The following VPS13B variants were observed in gnomAD, a reference collection of about 807,000 sequenced individuals.
The protein encoded by VPS13B is intermembrane lipid transfer protein VPS13B.
Under a neutral mutation model 426.4 loss-of-function variants are expected in VPS13B, and 285 were observed. The ratio of observed to expected loss-of-function variants is 0.67; its 90% CI spans 0.61 to 0.74. The LOEUF (loss-of-function observed/expected upper bound fraction) is 0.74, where lower values mean the gene tolerates loss of function less well. VPS13B is among the 30% of genes least tolerant of loss of function. The pLI is 0.00. For missense variants in VPS13B, 4,537 were observed against 4,782.6 expected (o/e 0.95, Z 1.51); for synonymous variants, 1,676 against 1,676.4 (o/e 1.00, Z 0.01).
chr8:99,397,337 G>T (rs1326550537), intron 21 of VPS13B, among the ~76,000 whole-genome samples: 1 of 152,094 alleles, frequency 6.6e-6, no homozygotes. Context: ...TAGAGACGGG[G>T]TTTCACCGTG....
chr8:99,459,005 C>T (rs1818685697), intron 23 of VPS13B, among the ~76,000 whole-genome samples: 1 of 152,106 alleles, frequency 6.6e-6, no homozygotes, highest in African/African-American at 2.4e-5. Flanking sequence ...ATGCCCATGT[C>T]CTGAATGGTA....
chr8:99,457,138 T>C (rs961864666), intron 23 of VPS13B, among the ~76,000 whole-genome samples: 3 of 151,896 alleles, frequency 2.0e-5, no homozygotes, highest in African/African-American at 7.3e-5. Context: ...TTCAAGCCAT[T>C]CTCCCGCCTC....
At chr8:99,611,904 A>T (rs1827857640) in intron 33 of VPS13B, among the ~76,000 whole-genome samples, 1 of 152,154 alleles carries the variant, frequency 6.6e-6, no homozygotes, top group African/African-American at 2.4e-5. Flanking sequence ...ACTAAAAATG[A>T]TAAAGATGAA....
chr8:99,574,091 GCT>G (rs1304222936), intron 31 of VPS13B, among the ~76,000 whole-genome samples: 1 of 151,976 alleles, frequency 6.6e-6, no homozygotes, highest in South Asian at 2.1e-4. Context: ...TCATGATTTG[GCT>G]CTCTGTTTGT....
chr8:99,646,999 T>C (rs1466018919), intron 34 of VPS13B, among the ~76,000 whole-genome samples: 1 of 152,184 alleles, frequency 6.6e-6, no homozygotes, highest in Non-Finnish European at 1.5e-5. Flanking sequence ...CTTTATATAA[T>C]GCAAAAATAG....
At chr8:99,391,069 A>C (rs2133311196) in intron 20 of VPS13B, among the ~76,000 whole-genome samples, 1 of 152,284 alleles carries the variant, frequency 6.6e-6, no homozygotes, top group Non-Finnish European at 1.5e-5. Context: ...CCATATTAAC[A>C]TGTACATAAT....
intron 19 of VPS13B, chr8:99,346,659 C>A: frequency 5.6e-6 from 1 of 179,574 alleles, no homozygotes. Context: ...TTTGCCTTCC[C>A]ACTTGTCAAA....
rs776907826 is a variant in VPS13B at position 99,778,821 on chromosome 8, C to A, written c.7569C>A (p.Phe2523Leu). The change falls in exon 42 of 62, where the codon TTC becomes TTA. Residue 2523 changes from phenylalanine to leucine, a missense_variant. Phe to Leu is a conservative substitution (Grantham distance 22). Around this residue, in one of 2 missense-constraint regions of VPS13B, gnomAD observed 4,311 missense variants for 4,474.3 expected, o/e 0.96. Transcript: ENST00000357162. ...NNGSVCQEIQ[F>L]LAQADCKLLE... ...GTTCTGTCTGTCAGGAGATCCAGTT[C>A]TTAGCTCAAGCAGACTGTAAACTTC... 8 of 1,613,980 alleles carry A rather than the reference C, an allele frequency of 5.0e-6. No individual in the cohort carries two copies. Among genetic ancestry groups the A allele is most frequent in the Non-Finnish European group, 6.8e-6 (8 of 1,179,938 alleles).
intron 22 of VPS13B, among the ~76,000 whole-genome samples, chr8:99,438,053 T>TG (rs1817484224): frequency 1.4e-5 from 2 of 147,388 alleles, no homozygotes; most frequent in South Asian, 2.1e-4. Context: ...TTTTTTTTTT[T>TG]GTACTCTCTG....
At chr8:99,164,091 C>T (rs532772701) in intron 15 of VPS13B, among the ~76,000 whole-genome samples, 1 of 152,270 alleles carries the variant, frequency 6.6e-6, no homozygotes, top group South Asian at 2.1e-4. Context: ...GGGGAACTCT[C>T]CAGGCCAGGG....
In VPS13B at chr8:99,354,266, C is replaced by CTTTTTTTT. The variant is rs71273176; in HGVS notation, c.2825-29910_2825-29903dup. Among the ~76,000 whole-genome samples the CTTTTTTTT allele has an allele frequency of 2.8e-3, 62 of 22,194 alleles. 13 individuals are homozygous for CTTTTTTTT. Among genetic ancestry groups the CTTTTTTTT allele is most frequent in the Non-Finnish European group, 4.2e-3 (44 of 10,404 alleles). 14.6% of individuals were successfully genotyped at this position (22,194 alleles called of 152,430 possible). A position where few individuals can be genotyped will look rare whatever the true frequency, so the allele number is the denominator to read the frequency against. ...TTCTACTGTAGCCCCCTCCCCCTGC[C>CTTTTTTTT]TTTTTTTTTTTTTTTTTTTTTTTTT... On this transcript the variant is annotated intron_variant, in intron 19 of 61. Transcript: ENST00000357162.
chr8:99,026,617 G>C (rs1244825031), intron 2 of VPS13B, among the ~76,000 whole-genome samples: 1 of 152,116 alleles, frequency 6.6e-6, no homozygotes, highest in Non-Finnish European at 1.5e-5. Context: ...TTATCTATCT[G>C]AGTGTTCTAG....
intron 16 of VPS13B, among the ~76,000 whole-genome samples, chr8:99,184,494 T>C (rs1465067524): frequency 6.6e-6 from 1 of 152,190 alleles, no homozygotes; most frequent in African/African-American, 2.4e-5. Flanking sequence ...TTGGATTTTA[T>C]GTATGGTAAT....
intron 16 of VPS13B, among the ~76,000 whole-genome samples, chr8:99,172,604 G>C (rs1232207598): frequency 6.6e-6 from 1 of 152,072 alleles, no homozygotes; most frequent in Non-Finnish European, 1.5e-5. Context: ...ATAATCTTCT[G>C]TTAATCAGTT....
chr8:99,734,837 G>T (rs1833756912), intron 39 of VPS13B, among the ~76,000 whole-genome samples: 1 of 152,156 alleles, frequency 6.6e-6, no homozygotes, highest in African/African-American at 2.4e-5. Flanking sequence ...AGATTTCAAT[G>T]CCCGGATGTG....
intron 15 of VPS13B, among the ~76,000 whole-genome samples, chr8:99,165,187 G>A (rs1811928789): frequency 6.6e-6 from 1 of 152,072 alleles, no homozygotes; most frequent in Non-Finnish European, 1.5e-5. Context: ...TTTGTGGTGA[G>A]AACTGTTTAA....
intron 21 of VPS13B, among the ~76,000 whole-genome samples, chr8:99,404,592 CTAACTTG>C (rs1350856471): frequency 6.6e-6 from 1 of 152,126 alleles, no homozygotes; most frequent in Non-Finnish European, 1.5e-5. Context: ...TGAATATTGT[CTAACTTG>C]TAGAAATTTT....
intron 35 of VPS13B, among the ~76,000 whole-genome samples, chr8:99,686,925 G>C (rs1016570953): frequency 6.6e-6 from 1 of 151,960 alleles, no homozygotes; most frequent in Non-Finnish European, 1.5e-5. Flanking sequence ...TCTCAAGCAG[G>C]AATCCCTCCC....
intron 35 of VPS13B, among the ~76,000 whole-genome samples, chr8:99,672,555 T>C (rs942742675): frequency 6.6e-6 from 1 of 152,112 alleles, no homozygotes; most frequent in African/African-American, 2.4e-5. Flanking sequence ...GTTTTCTATA[T>C]ATAAGAAAAC....
Sources: allele counts gnomAD v4.1 joint callset (sites outside exome capture counted in the v4.1 genomes callset), GRCh38; gene constraint gnomAD v4.1.1; regional missense constraint gnomAD v4.1.1; transcripts MANE v1.5; gene names NCBI Gene and HGNC (gene_info 2026-07-23, HGNC 2026-07-21).